TMEM192: variants seen among roughly 807,000 people sequenced by gnomAD.
TMEM192 encodes transmembrane protein 192.
In TMEM192, 20 loss-of-function variants were observed where a neutral mutation model predicts 26.7. That is an observed-to-expected ratio of 0.75 (90% CI 0.53 to 1.09). The LOEUF is 1.09. TMEM192 is among the 50% of genes least tolerant of loss of function. The pLI, the probability that TMEM192 is intolerant of heterozygous loss-of-function variation, is 0.00. For synonymous variants in TMEM192, 124 were observed against 121.0 expected, an observed-to-expected ratio of 1.02 and a Z score of -0.16; for missense variants, 304 against 322.6, an observed-to-expected ratio of 0.94 and a Z score of 0.44.
At chr4:165,109,913 A>AACTT (rs1235788447) in intron 1 of TMEM192, among the ~76,000 whole-genome samples, 1 of 152,066 alleles carries the variant, frequency 6.6e-6, no homozygotes, top group African/African-American at 2.4e-5. Flanking sequence ...AATCCTATAA[A>AACTT]ACTTATTGCC....
intron 1 of TMEM192, among the ~76,000 whole-genome samples, chr4:165,106,613 C>T (rs949222082): frequency 1.3e-5 from 2 of 152,242 alleles, no homozygotes; most frequent in African/African-American, 4.8e-5. Context: ...CTCTTTCCTG[C>T]GTCAGATGCT....
chr4:165,076,124 T>C lies in TMEM192; in HGVS notation c.*3534A>G, dbSNP rs1440358547. 1 of 152,156 alleles carries C rather than the reference T, an allele frequency of 6.6e-6. No individual in the cohort carries two copies. The highest frequency in any genetic ancestry group is 1.9e-4 in the East Asian group (1 of 5,194). 9.4% of individuals were successfully genotyped at this position (152,156 alleles called of 1,614,324 possible). A position where few individuals can be genotyped will look rare whatever the true frequency, so the allele number is the denominator to read the frequency against. On this transcript the variant is annotated 3_prime_UTR_variant, in exon 6 of 6. Coordinates refer to ENST00000306480, the MANE Select transcript of TMEM192 (RefSeq NM_001100389.2). ...TGCTTTATATTTTTCCATATTGCCA[T>C]TTTTTAAAAAATGAGCTTTTAACTT...
At chr4:165,086,626 T>C (rs555965363) in intron 4 of TMEM192, among the ~76,000 whole-genome samples, 72 of 152,066 alleles carry the variant, frequency 4.7e-4, no homozygotes, top group Non-Finnish European at 8.7e-4. Flanking sequence ...TGTTTCACCA[T>C]GTTGGCCAGG....
chr4:165,092,109 G>GTTA (rs1395846037), intron 3 of TMEM192, among the ~76,000 whole-genome samples: 1 of 73,424 alleles, frequency 1.4e-5, no homozygotes, highest in Non-Finnish European at 2.7e-5. Flanking sequence ...TCTTAATGCT[G>GTTA]TTCTTTTTTT....
intron 3 of TMEM192, among the ~76,000 whole-genome samples, chr4:165,096,000 T>C (rs1052431641): frequency 2.0e-5 from 3 of 151,072 alleles, no homozygotes; most frequent in Admixed American, 2.0e-4. Flanking sequence ...TTTCACCATG[T>C]TGGCCAGGCC....
chr4:165,090,307 C>CG (rs1043718700), intron 3 of TMEM192, among the ~76,000 whole-genome samples: 5 of 150,510 alleles, frequency 3.3e-5, no homozygotes, highest in African/African-American at 9.8e-5. Flanking sequence ...TGCTTGAACC[C>CG]GGGGGGCAGA....
chr4:165,095,950 AT>A (rs35383218), intron 3 of TMEM192, among the ~76,000 whole-genome samples: 1,496 of 136,310 alleles, frequency 0.011, 15 homozygotes, highest in African/African-American at 0.035. Flanking sequence ...TGCCCAGCTA[AT>A]TTTTTTTTTT....
In TMEM192 at chr4:165,072,379, AC is replaced by A. The variant is rs1234296295; in HGVS notation, c.*7278del. On this transcript the variant is annotated 3_prime_UTR_variant, in exon 6 of 6. Coordinates refer to ENST00000306480, the MANE Select transcript of TMEM192 (RefSeq NM_001100389.2). ...AGACCAGCCTGGCTAACATGGTGAA[AC>A]CCCCTTTCTACTAAAAATATAAAAA... 6.6e-6 allele frequency: 1 copy of A among 151,744 alleles called. No individual in the cohort carries two copies. The highest frequency in any genetic ancestry group is 1.9e-4 in the East Asian group (1 of 5,174). The allele number at this position is 151,744 out of a possible 1,614,324, so 9.4% of individuals were successfully genotyped here.
At chr4:165,112,421 C>A (rs965411666) in intron 1 of TMEM192, among the ~76,000 whole-genome samples, 18 of 152,212 alleles carry the variant, frequency 1.2e-4, no homozygotes, top group Non-Finnish European at 2.5e-4. Flanking sequence ...TCACGTGAAG[C>A]TGCCAGTTCC....
chr4:165,104,969 C>A (rs562882511), intron 1 of TMEM192, among the ~76,000 whole-genome samples: 126 of 152,306 alleles, frequency 8.3e-4, no homozygotes, highest in Middle Eastern at 3.4e-3. Flanking sequence ...GCCTTGAGAT[C>A]TGCTCTTCCC....
chr4:165,088,537 G>C lies in TMEM192; in HGVS notation c.505C>G (p.Leu169Val), dbSNP rs767454071. 1 of 1,613,648 alleles carries C rather than the reference G, an allele frequency of 6.2e-7. No homozygotes were observed. The highest frequency in any genetic ancestry group is 8.5e-7 in the Non-Finnish European group (1 of 1,179,790). The change falls in exon 4 of 6, where the codon CTT becomes GTT. Residue 169 changes from leucine (L) to valine (V), a missense_variant. Transcript: ENST00000306480. ...HSFPEPGRLY[L>V]DLILAILALE... ...GCCAAGATGGCCAGAATGAGGTCAA[G>C]ATACAATCTGCCAGGCTCTGGGAAG...
At chr4:165,100,992 T>C (rs1371194322) in intron 2 of TMEM192, 100 bp from the exon 3 acceptor site, 46 of 1,162,248 alleles carry the variant, frequency 4.0e-5, no homozygotes, top group South Asian at 1.5e-4. Flanking sequence ...TTTTTTTTTT[T>C]CTGAGACAGA....
chr4:165,072,590 GA>G lies in TMEM192; in HGVS notation c.*7067del, dbSNP rs1162596452. The G allele has an allele frequency of 2.0e-5, 3 of 151,788 alleles. No homozygotes were observed. Among genetic ancestry groups the G allele is most frequent in the Non-Finnish European group, 4.4e-5 (3 of 68,150 alleles). 9.4% of individuals were successfully genotyped at this position (151,788 alleles called of 1,614,324 possible). On this transcript the variant is annotated 3_prime_UTR_variant, in exon 6 of 6. Coordinates refer to ENST00000306480, the MANE Select transcript of TMEM192 (RefSeq NM_001100389.2). ...AAAAAACAAAACCAAAAAACCGAAA[GA>G]CTATTATAATAGTCCAGGTGAAGAT...
intron 5 of TMEM192, among the ~76,000 whole-genome samples, chr4:165,084,558 ATGT>A: frequency 6.6e-6 from 1 of 152,064 alleles, no homozygotes; most frequent in Non-Finnish European, 1.5e-5. Flanking sequence ...ACTTCAGATG[ATGT>A]TAAGGAATAA....
rs560900935 is a variant in TMEM192, at chr4:165,078,255, T to C, written c.*1403A>G. Reference sequence around the variant, plus strand: ...CAAATATTGAATATTCAGCTAATGATCAAAAAAGATTAACACAGTCATAAA... The same window carrying C: ...CAAATATTGAATATTCAGCTAATGACCAAAAAAGATTAACACAGTCATAAA... On this transcript the variant is annotated 3_prime_UTR_variant, in exon 6 of 6. Transcript: ENST00000306480. The C allele has an allele frequency of 7.2e-5, 11 of 152,078 alleles. No homozygotes were observed. Among genetic ancestry groups the C allele is most frequent in the Non-Finnish European group, 1.3e-4 (9 of 68,026 alleles). The allele number at this position is 152,078 out of a possible 1,614,324, so 9.4% of individuals were successfully genotyped here.
intron 1 of TMEM192, among the ~76,000 whole-genome samples, chr4:165,106,997 A>G (rs139687585): frequency 6.6e-6 from 1 of 152,030 alleles, no homozygotes; most frequent in Non-Finnish European, 1.5e-5. Flanking sequence ...TCTGTCCCCA[A>G]GTAACTTCTC....
intron 4 of TMEM192, among the ~76,000 whole-genome samples, chr4:165,086,671 C>G (rs1194121145): frequency 6.6e-6 from 1 of 152,022 alleles, no homozygotes; most frequent in South Asian, 2.1e-4. Context: ...GTGATCCACC[C>G]GCTGAGGCCT....
At chr4:165,090,910 C>CAAAAAAA (rs70952700) in intron 3 of TMEM192, among the ~76,000 whole-genome samples, 12,478 of 50,572 alleles carry the variant, frequency 0.25, 3,083 homozygotes, top group Admixed American at 0.36. Context: ...GACTCTGTCT[C>CAAAAAAA]AAAAAAAAAA....
intron 4 of TMEM192, among the ~76,000 whole-genome samples, chr4:165,088,025 T>C (rs1358372131): frequency 6.6e-6 from 1 of 152,140 alleles, no homozygotes. Context: ...TCCTCCCACG[T>C]CAGCCTCCTG....
Sources: allele counts gnomAD v4.1 joint callset (sites outside exome capture counted in the v4.1 genomes callset), GRCh38; gene constraint gnomAD v4.1.1; transcripts MANE v1.5; gene names NCBI Gene and HGNC (gene_info 2026-07-23, HGNC 2026-07-21).